The following MARK1 variants were observed in gnomAD, a reference collection of about 807,000 sequenced individuals.
The protein encoded by MARK1 is microtubule affinity regulating kinase 1.
Under a neutral mutation model 96.3 loss-of-function variants are expected in MARK1, and 40 were observed. The ratio of observed to expected loss-of-function variants is 0.42; its 90% confidence interval spans 0.32 to 0.54. The LOEUF (loss-of-function observed/expected upper bound fraction) is 0.54. Ranked by LOEUF, MARK1 falls within the 20% of genes least tolerant of loss-of-function variation. The probability of loss-of-function intolerance (pLI) is 0.16; values close to 1 mark genes in which losing one functional copy is unlikely to be tolerated. For synonymous variants in MARK1, 317 were observed against 341.2 expected (o/e 0.93, Z 0.78); for missense variants, 719 against 984.6 (o/e 0.73, Z 3.61).
intron 3 of MARK1, among the ~76,000 whole-genome samples, chr1:220,588,993 C>T (rs1664820002): frequency 6.6e-6 from 1 of 152,190 alleles, no homozygotes. Flanking sequence ...GGCACAAGAA[C>T]TGTATGCCAG....
chr1:220,626,007 A>T, intron 9 of MARK1: 1 of 549,292 alleles, frequency 1.8e-6, no homozygotes, highest in African/African-American at 1.9e-5. Context: ...CAGCAAGCAG[A>T]TGCAGATTCA....
At chr1:220,583,598 T>C (rs1572123785) in intron 3 of MARK1, among the ~76,000 whole-genome samples, 1 of 151,954 alleles carries the variant, frequency 6.6e-6, no homozygotes, top group East Asian at 1.9e-4. Context: ...TTCTACCTCA[T>C]AGAATAATGT....
At chr1:220,651,822 T>C (rs935169686) in intron 14 of MARK1, among the ~76,000 whole-genome samples, 164 bp from the exon 15 acceptor site, 2 of 152,182 alleles carry the variant, frequency 1.3e-5, no homozygotes, top group African/African-American at 4.8e-5. Flanking sequence ...ATTAATTGTT[T>C]TGTTAGTCAT....
intron 1 of MARK1, among the ~76,000 whole-genome samples, chr1:220,531,686 G>T (rs980002631): frequency 6.6e-6 from 1 of 152,122 alleles, no homozygotes; most frequent in African/African-American, 2.4e-5. Flanking sequence ...AACAGTCTAT[G>T]TGTACTTTTT....
intron 4 of MARK1, 46 bp from the exon 5 acceptor site, chr1:220,599,752 A>C (rs775679219): frequency 1.9e-6 from 2 of 1,048,756 alleles, no homozygotes; most frequent in Admixed American, 2.1e-5. Context: ...AAGCATATTC[A>C]ATCTGTGCTA....
chr1:220,618,543 A>G lies in MARK1; in HGVS notation c.786A>G (p.Leu262=). ...CCTTGCCTTTCGATGGCCAGAATTT[A>G]AAGGTATCAGCTAAATTCTTTATTA... The part of the protein sequence containing the change: ...SGSLPFDGQN[L]KELRERVLRG... The change falls in exon 8 of 18, where the codon TTA becomes TTG. Residue 262 remains leucine (L), a synonymous_variant. Transcript: ENST00000366917. This position sits in a 1 kb window ranked among gnomAD's most constrained non-coding sequence, Gnocchi z 4.6. 1.2e-6 allele frequency: 2 copies of G among 1,613,972 alleles called. No homozygotes were observed. The highest frequency in any genetic ancestry group is 1.7e-5 in the Admixed American group (1 of 60,010).
At chr1:220,569,877 GGA>G (rs760210741) in intron 1 of MARK1, among the ~76,000 whole-genome samples, 2 of 151,922 alleles carry the variant, frequency 1.3e-5, no homozygotes, top group Non-Finnish European at 2.9e-5. Flanking sequence ...TCAACCTTCT[GGA>G]ATAAGTCCAG....
At chr1:220,617,460 T>G (rs2102967243) in intron 7 of MARK1, among the ~76,000 whole-genome samples, 1 of 152,316 alleles carries the variant, frequency 6.6e-6, no homozygotes, top group South Asian at 2.1e-4. Flanking sequence ...TTTTGGAACC[T>G]GATAAAACAC....
At position 220,635,471 on chromosome 1, in the gene MARK1, C is replaced by G. The variant is rs1667907136; in HGVS notation, c.1218C>G (p.His406Gln). The G allele has an allele frequency of 6.2e-7, 1 of 1,613,576 alleles. No homozygotes were observed. The highest frequency in any genetic ancestry group is 1.7e-5 in the Admixed American group (1 of 59,890). The change falls in exon 12 of 18, where the codon CAC becomes CAG. Residue 406 changes from histidine (H) to glutamine (Q), a missense_variant. Coordinates refer to ENST00000366917, the MANE Select transcript of MARK1 (RefSeq NM_018650.5). ...LNNSTLQSPAHLKVQRSISAN... is the reference protein window; with the variant it reads ...LNNSTLQSPAQLKVQRSISAN... ...ACAGCACTCTTCAGTCCCCTGCTCACCTGAAGGTCCAGAGAAGTATCTCAG... is the reference window on the plus strand; with the variant it reads ...ACAGCACTCTTCAGTCCCCTGCTCAGCTGAAGGTCCAGAGAAGTATCTCAG...
intron 6 of MARK1, among the ~76,000 whole-genome samples, chr1:220,605,056 G>C (rs1392867658): frequency 6.8e-6 from 1 of 146,252 alleles, no homozygotes; most frequent in Non-Finnish European, 1.5e-5. Context: ...ACTGATATAA[G>C]ATCTTTCTCT....
At chr1:220,586,367 C>G (rs961297266) in intron 3 of MARK1, among the ~76,000 whole-genome samples, 1 of 152,160 alleles carries the variant, frequency 6.6e-6, no homozygotes, top group East Asian at 1.9e-4. Flanking sequence ...CTTAATTAGT[C>G]CTTACTCATT....
chr1:220,616,272 C>A (rs1666746238), intron 7 of MARK1, among the ~76,000 whole-genome samples: 1 of 152,112 alleles, frequency 6.6e-6, no homozygotes, highest in Admixed American at 6.5e-5. Flanking sequence ...AACTTCGTTC[C>A]CAGCCAAAAG....
chr1:220,557,392 C>T (rs1338130265), intron 1 of MARK1, among the ~76,000 whole-genome samples: 1 of 151,920 alleles, frequency 6.6e-6, no homozygotes, highest in Non-Finnish European at 1.5e-5. Flanking sequence ...CATGGTGAAA[C>T]CCTGTCTCTG....
At chr1:220,553,952 G>A (rs938554227) in intron 1 of MARK1, among the ~76,000 whole-genome samples, 4 of 152,136 alleles carry the variant, frequency 2.6e-5, no homozygotes, top group African/African-American at 7.2e-5. Flanking sequence ...ATGTTCTGGC[G>A]TCCATTCAAA....
At chr1:220,627,530 C>T in intron 9 of MARK1, 1 of 361,840 alleles carries the variant, frequency 2.8e-6, no homozygotes, top group Middle Eastern at 9.9e-4. Context: ...TTCTATTTCT[C>T]TGTGTATTTA....
chr1:220,632,981 T>A (rs1667748880), intron 11 of MARK1, among the ~76,000 whole-genome samples: 1 of 152,166 alleles, frequency 6.6e-6, no homozygotes. Flanking sequence ...CATCTGCTTC[T>A]GGTAAGGGCC....
At position 220,545,603 on chromosome 1, in the gene MARK1, A is replaced by AT. The variant is rs1661439729; in HGVS notation, c.51+16735dup. 2.0e-5 allele frequency among the ~76,000 whole-genome samples: 3 copies of AT among 151,712 alleles called. No homozygotes were observed. In the South Asian group the frequency reaches 6.2e-4, roughly 32 times the overall value. On this transcript the variant is annotated intron_variant, in intron 1 of 17. Transcript: ENST00000366917. ...AGGTGCTCACTGCCATGCCTGGCTAATTTTTGTATTTTTTCGTAGAAATGG... is the reference window on the plus strand; with the variant it reads ...AGGTGCTCACTGCCATGCCTGGCTAATTTTTTGTATTTTTTCGTAGAAATGG...
intron 1 of MARK1, among the ~76,000 whole-genome samples, chr1:220,552,267 G>C (rs1211934668): frequency 6.6e-6 from 1 of 151,956 alleles, no homozygotes; most frequent in Non-Finnish European, 1.5e-5. Flanking sequence ...AAAGTTGTAG[G>C]GACTAGAAAA....
intron 1 of MARK1, among the ~76,000 whole-genome samples, chr1:220,549,615 T>G (rs1486395936): frequency 6.6e-6 from 1 of 152,222 alleles, no homozygotes; most frequent in Non-Finnish European, 1.5e-5. Context: ...AGCTGAATTA[T>G]CTGCAGGCGG....
Sources: allele counts gnomAD v4.1 joint callset (sites outside exome capture counted in the v4.1 genomes callset), GRCh38; gene constraint gnomAD v4.1.1; non-coding constraint Gnocchi (gnomAD v3.1); transcripts MANE v1.5; gene names NCBI Gene and HGNC (gene_info 2026-07-23, HGNC 2026-07-21).